LRBA: variants seen among roughly 807,000 people sequenced by gnomAD.
The protein encoded by LRBA is LPS responsive beige-like anchor protein, also known as lipopolysaccharide-responsive and beige-like anchor protein.
LRBA carries 176 observed loss-of-function variants against 330.0 expected under a neutral mutation model. The observed-to-expected ratio is 0.53, with a 90% CI of 0.47 to 0.60. The LOEUF (loss-of-function observed/expected upper bound fraction) is 0.60, where lower values mean the gene tolerates loss of function less well. Ranked by LOEUF, LRBA falls within the 20% of genes least tolerant of loss-of-function variation. The pLI, the probability that LRBA is intolerant of heterozygous loss-of-function variation, is 0.00. For synonymous variants in LRBA, 1,230 were observed against 1,193.0 expected (o/e 1.03, Z -0.64); for missense variants, 3,259 against 3,444.8 (o/e 0.95, Z 1.35).
chr4:150,479,667 T>C (rs1757079408), intron 42 of LRBA, among the ~76,000 whole-genome samples: 2 of 152,208 alleles, frequency 1.3e-5, no homozygotes, highest in South Asian at 4.1e-4. Flanking sequence ...GTGACCCACT[T>C]GTAAATGAAT....
At chr4:150,408,761 TATATA>T (rs994441168) in intron 47 of LRBA, among the ~76,000 whole-genome samples, 5 of 152,168 alleles carry the variant, frequency 3.3e-5, no homozygotes, top group Admixed American at 2.6e-4. Context: ...AAAATCAATT[TATATA>T]ATATATCATA....
At chr4:150,526,115 T>C (rs1288475059) in intron 40 of LRBA, among the ~76,000 whole-genome samples, 1 of 152,190 alleles carries the variant, frequency 6.6e-6, no homozygotes, top group Admixed American at 6.5e-5. Context: ...TAAATGACTT[T>C]TAAGATCTAC....
At chr4:150,732,645 T>C (rs1440776660) in intron 36 of LRBA, among the ~76,000 whole-genome samples, 3 of 152,176 alleles carry the variant, frequency 2.0e-5, no homozygotes, top group Non-Finnish European at 2.9e-5. Flanking sequence ...ATAAGAATTA[T>C]TAGTACAGTG....
intron 36 of LRBA, among the ~76,000 whole-genome samples, chr4:150,716,431 T>C (rs1028158513): frequency 2.0e-5 from 3 of 152,138 alleles, no homozygotes; most frequent in Admixed American, 6.6e-5. Flanking sequence ...GGTATGACCT[T>C]TGCATTACCT....
chr4:150,605,272 T>C (rs1774513158), intron 37 of LRBA, among the ~76,000 whole-genome samples: 1 of 152,234 alleles, frequency 6.6e-6, no homozygotes, highest in African/African-American at 2.4e-5. Context: ...GGTTTTAGTG[T>C]CATTTTAATG....
intron 34 of LRBA, among the ~76,000 whole-genome samples, chr4:150,794,806 C>T (rs1173577213): frequency 6.6e-6 from 1 of 152,058 alleles, no homozygotes; most frequent in African/African-American, 2.4e-5. Context: ...TTTCTATATA[C>T]TGTATGCATT....
intron 34 of LRBA, among the ~76,000 whole-genome samples, chr4:150,773,000 T>A (rs1736792070): frequency 6.6e-6 from 1 of 152,002 alleles, no homozygotes; most frequent in Non-Finnish European, 1.5e-5. Flanking sequence ...ACCTTTTTGG[T>A]TATAGGAGGG....
intron 49 of LRBA, among the ~76,000 whole-genome samples, chr4:150,324,570 A>G (rs1285001524): frequency 6.6e-6 from 1 of 151,924 alleles, no homozygotes; most frequent in Non-Finnish European, 1.5e-5. Flanking sequence ...GCACAGAGGG[A>G]AAAAAAGACA....
chr4:150,792,593 C>T (rs901541673), intron 34 of LRBA, among the ~76,000 whole-genome samples: 5 of 152,130 alleles, frequency 3.3e-5, no homozygotes, highest in Non-Finnish European at 5.9e-5. Context: ...ACTGTAACCT[C>T]GAATCTTTGG....
chr4:150,677,533 CA>C (rs1294905539), intron 37 of LRBA, among the ~76,000 whole-genome samples: 21 of 151,968 alleles, frequency 1.4e-4, no homozygotes, highest in African/African-American at 3.1e-4. Flanking sequence ...TGAAATTATA[CA>C]AAAATATTTT....
At chr4:150,318,590 C>T (rs1173999423) in intron 50 of LRBA, among the ~76,000 whole-genome samples, 2 of 152,080 alleles carry the variant, frequency 1.3e-5, no homozygotes, top group Non-Finnish European at 2.9e-5. Flanking sequence ...TGTAAACATA[C>T]CTAAAATGAA....
chr4:150,449,538 A>C (rs549256095), intron 44 of LRBA, among the ~76,000 whole-genome samples: 141 of 151,602 alleles, frequency 9.3e-4, no homozygotes, highest in African/African-American at 3.1e-3. Context: ...AAAAAAAAAA[A>C]CCAGAAAAGT....
intron 47 of LRBA, among the ~76,000 whole-genome samples, chr4:150,370,562 G>C (rs1314020593): frequency 6.6e-6 from 1 of 152,120 alleles, no homozygotes; most frequent in African/African-American, 2.4e-5. Flanking sequence ...TGGAGCATAA[G>C]GAATTTTTAG....
intron 22 of LRBA, among the ~76,000 whole-genome samples, chr4:150,866,033 C>G (rs1752640339): frequency 6.6e-6 from 1 of 152,132 alleles, no homozygotes; most frequent in South Asian, 2.1e-4. Context: ...GCAATATATT[C>G]TACAGAATGA....
At chr4:150,758,104 C>T (rs1425078869) in intron 35 of LRBA, among the ~76,000 whole-genome samples, 2 of 152,110 alleles carry the variant, frequency 1.3e-5, no homozygotes, top group Non-Finnish European at 2.9e-5. Flanking sequence ...GTCTCAGTTC[C>T]ACAGAATAAT....
chr4:150,727,328 C>T (rs900016915), intron 36 of LRBA, among the ~76,000 whole-genome samples: 9 of 152,068 alleles, frequency 5.9e-5, no homozygotes, highest in Admixed American at 3.9e-4. Flanking sequence ...CCTGCCTCAG[C>T]CTCCCAAAGT....
intron 49 of LRBA, among the ~76,000 whole-genome samples, chr4:150,324,350 T>C (rs1489112329): frequency 6.6e-6 from 1 of 152,208 alleles, no homozygotes; most frequent in Non-Finnish European, 1.5e-5. Flanking sequence ...TCTTCCATTG[T>C]TCTTGCTAAA....
At chr4:150,594,595 CATT>C (rs1412792409) in intron 38 of LRBA, among the ~76,000 whole-genome samples, 1 of 151,968 alleles carries the variant, frequency 6.6e-6, no homozygotes, top group Non-Finnish European at 1.5e-5. Context: ...TTTTTCATAT[CATT>C]ATTAAGAAAT....
In LRBA at chr4:150,806,390, A is replaced by T. The variant is rs750550914; in HGVS notation, c.5399T>A (p.Leu1800His). The change falls in exon 33 of 57, where the codon CTT (leucine) becomes CAT (histidine). Residue 1800 changes from leucine to histidine, a missense_variant. Coordinates refer to ENST00000651943, the MANE Select transcript of LRBA (RefSeq NM_001364905.1). ...AGCTGCCTTTTCCAAAGCGTGTTCA[A>T]GCCTCTCTGTAATACTAAGGAAAAG... ...PVSNMSITER[L>H]EHALEKAAPL... 4.4e-6 allele frequency: 7 copies of T among 1,608,224 alleles called. No individual in the cohort carries two copies. Among genetic ancestry groups the T allele is most frequent in the Non-Finnish European group, 5.9e-6 (7 of 1,177,634 alleles).
Sources: allele counts gnomAD v4.1 joint callset (sites outside exome capture counted in the v4.1 genomes callset), GRCh38; gene constraint gnomAD v4.1.1; transcripts MANE v1.5; gene names NCBI Gene and HGNC (gene_info 2026-07-23, HGNC 2026-07-21).